The following CDIN1 variants were observed in gnomAD, a reference collection of about 807,000 sequenced individuals.
CDIN1 encodes the protein CDAN1 interacting nuclease 1, also known as CDAN1-interacting nuclease 1.
In CDIN1, 33 loss-of-function variants were observed where a neutral mutation model predicts 45.3. The ratio of observed to expected loss-of-function variants is 0.73; its 90% confidence interval spans 0.55 to 0.97. CDIN1 has a LOEUF of 0.97. Ranked by LOEUF, CDIN1 falls within the 50% of genes least tolerant of loss-of-function variation. CDIN1 has a pLI of 0.00. For missense variants in CDIN1, 303 were observed against 339.4 expected (o/e 0.89, Z 0.84); for synonymous variants, 118 against 124.4 (o/e 0.95, Z 0.34).
rs138426843 is a variant in CDIN1 at position 36,719,790 on chromosome 15, C to T, written c.716+9829C>T. Among the ~76,000 whole-genome samples, 4 of 152,110 alleles carry T rather than the reference C, an allele frequency of 2.6e-5. No homozygotes were observed. In the South Asian group the frequency reaches 6.2e-4, roughly 24 times the overall value. On this transcript the variant is annotated intron_variant, in intron 10 of 10. Coordinates refer to ENST00000566621, the MANE Select transcript of CDIN1 (RefSeq NM_001321759.2). The stretch of plus-strand genomic sequence containing the variant: ...GGTGAAAGATTTTTAACTATAAAAT[C>T]GATTTCTTAGTAGTTATAAGACATT...
chr15:36,618,567 A>G, intron 1 of CDIN1: 1 of 902,592 alleles, frequency 1.1e-6, no homozygotes, highest in Non-Finnish European at 1.9e-6. Flanking sequence ...CAAGAATCCC[A>G]GATAAACTCA....
chr15:36,691,808 T>A, intron 6 of CDIN1, 44 bp downstream of exon 6: 1 of 1,384,772 alleles, frequency 7.2e-7, no homozygotes, highest in Non-Finnish European at 1.0e-6. Context: ...TGCTGTTATC[T>A]GCCTAGCAGA....
At chr15:36,612,309 G>A (rs1195306514) in intron 1 of CDIN1, among the ~76,000 whole-genome samples, 1 of 152,186 alleles carries the variant, frequency 6.6e-6, no homozygotes, top group African/African-American at 2.4e-5. Context: ...ACTGTGGGCT[G>A]ATAGAATGGT....
At chr15:36,700,131 AAC>A (rs974385055) in intron 8 of CDIN1, among the ~76,000 whole-genome samples, 15 of 152,296 alleles carry the variant, frequency 9.8e-5, no homozygotes, top group African/African-American at 3.6e-4. Flanking sequence ...GATAATTTCT[AAC>A]AGTTTCTGAG....
rs1212540984 is a variant in CDIN1 at position 36,709,251 on chromosome 15, T to C, written c.573T>C (p.Tyr191=). 5.6e-6 allele frequency: 9 copies of C among 1,604,044 alleles called. No homozygotes were observed. The highest frequency in any genetic ancestry group is 7.7e-6 in the Non-Finnish European group (9 of 1,174,696). The part of the protein sequence containing the change: ...LDEDQLRAKG[Y]DKTPDFILQV... ...AAGATCAGCTTCGTGCAAAGGGTTATGACAAAACACCAGACTTCATTTTAC... is the reference window on the plus strand; with the variant it reads ...AAGATCAGCTTCGTGCAAAGGGTTACGACAAAACACCAGACTTCATTTTAC... Residue 191 remains tyrosine (Y), a synonymous_variant, in exon 9 of 11, where the codon TAT becomes TAC. Transcript: ENST00000566621.
intron 10 of CDIN1, among the ~76,000 whole-genome samples, chr15:36,712,392 G>A (rs8035140): frequency 1 from 151,149 of 151,412 alleles, 75,443 homozygotes; most frequent in Middle Eastern, 1. Flanking sequence ...CAGCCTCCCA[G>A]GTAGCTGGGA....
intron 10 of CDIN1, among the ~76,000 whole-genome samples, chr15:36,804,335 C>A (rs750703629): frequency 1.3e-5 from 2 of 152,002 alleles, no homozygotes; most frequent in African/African-American, 4.8e-5. Flanking sequence ...ATTGCCATGC[C>A]GAGGCAATGG....
chr15:36,628,690 G>C (rs2039554436), intron 1 of CDIN1, among the ~76,000 whole-genome samples: 1 of 152,110 alleles, frequency 6.6e-6, no homozygotes, highest in Non-Finnish European at 1.5e-5. Context: ...CTGGCATGTG[G>C]GTCAGATATG....
At chr15:36,718,231 T>C (rs2043282765) in intron 10 of CDIN1, among the ~76,000 whole-genome samples, 2 of 152,142 alleles carry the variant, frequency 1.3e-5, no homozygotes, top group African/African-American at 4.8e-5. Context: ...ATCATCGGTT[T>C]GTCTATACCA....
At chr15:36,790,858 C>G (rs1451439755) in intron 10 of CDIN1, among the ~76,000 whole-genome samples, 1 of 152,152 alleles carries the variant, frequency 6.6e-6, no homozygotes, top group Non-Finnish European at 1.5e-5. Context: ...AAAACAACAA[C>G]AACTTTAGGT....
At chr15:36,773,152 C>G (rs1336567640) in intron 10 of CDIN1, among the ~76,000 whole-genome samples, 1 of 152,134 alleles carries the variant, frequency 6.6e-6, no homozygotes, top group East Asian at 1.9e-4. Flanking sequence ...CTATATGGGT[C>G]TAGTGATCTG....
At chr15:36,736,954 G>T (rs779795213) in intron 10 of CDIN1, among the ~76,000 whole-genome samples, 1 of 151,956 alleles carries the variant, frequency 6.6e-6, no homozygotes, top group Non-Finnish European at 1.5e-5. Context: ...ATCACCTGAG[G>T]TCAGGAGTTC....
intron 1 of CDIN1, among the ~76,000 whole-genome samples, chr15:36,636,619 A>G (rs979855720): frequency 3.3e-5 from 5 of 152,196 alleles, no homozygotes; most frequent in African/African-American, 1.2e-4. Context: ...GGAATGAAGA[A>G]CAATGAGATG....
At chr15:36,770,078 A>T in intron 10 of CDIN1, among the ~76,000 whole-genome samples, 2 of 150,376 alleles carry the variant, frequency 1.3e-5, no homozygotes, top group African/African-American at 4.9e-5. Flanking sequence ...AGCTTGCTTC[A>T]TTTTCCTTTT....
chr15:36,769,679 C>T (rs1372847453), intron 10 of CDIN1, among the ~76,000 whole-genome samples: 2 of 152,060 alleles, frequency 1.3e-5, no homozygotes, highest in African/African-American at 4.8e-5. Flanking sequence ...GACAATGAAA[C>T]GTGAAGCTGA....
rs897043090 is a variant in CDIN1 at position 36,736,515 on chromosome 15, A to T, written c.716+26554A>T. ...ATGCTGCTTTGATAATGAGTTGGTT[A>T]TACTCCTGCATCCTACTCAATTGCA... On this transcript the variant is annotated intron_variant, in intron 10 of 10. Transcript: ENST00000566621. 3.9e-5 allele frequency among the ~76,000 whole-genome samples: 6 copies of T among 152,290 alleles called. No homozygotes were observed. The East Asian group carries it at 9.7e-4, about 25-fold the overall frequency.
chr15:36,796,133 C>G (rs1182430732), intron 10 of CDIN1, among the ~76,000 whole-genome samples: 1 of 152,114 alleles, frequency 6.6e-6, no homozygotes, highest in Non-Finnish European at 1.5e-5. Flanking sequence ...CTAGTCTACT[C>G]ATGGAAAGAT....
At chr15:36,705,592 T>C (rs1320961268) in intron 8 of CDIN1, 8 of 152,172 alleles carry the variant, frequency 5.3e-5, no homozygotes, top group Admixed American at 5.2e-4. Flanking sequence ...TAGTAATCTC[T>C]ACAATTTTGC....
intron 8 of CDIN1, chr15:36,702,263 T>C: frequency 1.6e-6 from 1 of 642,944 alleles, no homozygotes; most frequent in Non-Finnish European, 2.8e-6. Context: ...GGTGGGGGAT[T>C]TGGGCTCTGT....
Sources: gnomAD v4.1 joint callset for allele counts (sites outside exome capture counted in the v4.1 genomes callset) on GRCh38, gnomAD v4.1.1 for gene constraint, MANE v1.5 for transcripts, NCBI Gene and HGNC (gene_info 2026-07-23, HGNC 2026-07-21) for gene names.